CSMD1: variants seen among roughly 807,000 people sequenced by gnomAD.
CSMD1 encodes CUB and Sushi multiple domains 1.
Under a neutral mutation model 417.5 loss-of-function variants are expected in CSMD1, and 213 were observed. That is an observed-to-expected ratio of 0.51 (90% confidence interval 0.46 to 0.57). CSMD1 has a LOEUF of 0.57. Among genes scored for constraint, CSMD1 ranks in the 20% least tolerant of loss-of-function variants. CSMD1 has a pLI of 0.00. For synonymous variants in CSMD1, 2,862 were observed against 1,736.8 expected (o/e 1.65, Z -16.11); for missense variants, 6,923 against 4,529.7 (o/e 1.53, Z -15.17).
chr8:3,741,213 TA>T (rs58662516), intron 6 of CSMD1, among the ~76,000 whole-genome samples: 16,232 of 64,330 alleles, frequency 0.25, 1,104 homozygotes, highest in Non-Finnish European at 0.29. Flanking sequence ...GACTCCGTCT[TA>T]AAAAAAAAAA....
At chr8:3,168,902 T>A (rs1462281621) in intron 37 of CSMD1, among the ~76,000 whole-genome samples, 3 of 149,894 alleles carry the variant, frequency 2.0e-5, no homozygotes, top group Non-Finnish European at 4.4e-5. Flanking sequence ...CAAAATACCT[T>A]TAGGGGAAGT....
intron 1 of CSMD1, among the ~76,000 whole-genome samples, chr8:4,917,420 G>A (rs1458421148): frequency 2.0e-5 from 3 of 152,110 alleles, no homozygotes; most frequent in Non-Finnish European, 4.4e-5. Flanking sequence ...AGACTACAAG[G>A]TCAGGAGATC....
chr8:4,453,494 G>A (rs115331496), intron 2 of CSMD1, among the ~76,000 whole-genome samples: 2,040 of 152,282 alleles, frequency 0.013, 52 homozygotes, highest in African/African-American at 0.047. Context: ...TCAAAGCCAT[G>A]CATCCTTCAG....
chr8:4,943,781 G>C (rs1350218140), intron 1 of CSMD1, among the ~76,000 whole-genome samples: 1 of 152,056 alleles, frequency 6.6e-6, no homozygotes, highest in African/African-American at 2.4e-5. Context: ...CCTGAAAATT[G>C]CATGTTAGAA....
intron 1 of CSMD1, among the ~76,000 whole-genome samples, chr8:4,906,456 GT>G (rs891344057): frequency 2.0e-5 from 3 of 152,142 alleles, no homozygotes; most frequent in African/African-American, 7.2e-5. Flanking sequence ...TGTTCATTAA[GT>G]TTTTTGTAGC....
At chr8:4,223,811 C>G (rs999873935) in intron 3 of CSMD1, among the ~76,000 whole-genome samples, 6 of 152,150 alleles carry the variant, frequency 3.9e-5, no homozygotes, top group Non-Finnish European at 7.3e-5. Flanking sequence ...CAATAACAAC[C>G]AGTGAAACTG....
At chr8:3,293,837 C>T (rs546687633) in intron 25 of CSMD1, among the ~76,000 whole-genome samples, 3 of 152,220 alleles carry the variant, frequency 2.0e-5, no homozygotes, top group Admixed American at 6.5e-5. Flanking sequence ...TTGTCAAAGT[C>T]ATTCTCCATC....
intron 3 of CSMD1, among the ~76,000 whole-genome samples, chr8:4,139,628 G>A (rs1002743212): frequency 6.6e-6 from 1 of 151,186 alleles, no homozygotes; most frequent in East Asian, 1.9e-4. Context: ...AGGGCATTTG[G>A]AATAGTGGGA....
intron 6 of CSMD1, among the ~76,000 whole-genome samples, chr8:3,732,573 G>A (rs979621056): frequency 6.6e-6 from 1 of 152,174 alleles, no homozygotes; most frequent in Non-Finnish European, 1.5e-5. Flanking sequence ...CTGACTTTAT[G>A]CCCAGGCAAC....
chr8:3,294,117 A>C (rs1478615069), intron 25 of CSMD1, among the ~76,000 whole-genome samples: 1 of 152,220 alleles, frequency 6.6e-6, no homozygotes, highest in African/African-American at 2.4e-5. Context: ...CCTGGGTATC[A>C]GCAGCAGAGA....
intron 21 of CSMD1, among the ~76,000 whole-genome samples, chr8:3,350,213 C>A (rs1404360344): frequency 2.5e-5 from 3 of 119,600 alleles, no homozygotes. Context: ...TGTTATAATA[C>A]CTATAATAAC....
At chr8:3,742,344 C>T (rs535368780) in intron 6 of CSMD1, among the ~76,000 whole-genome samples, 1 of 152,274 alleles carries the variant, frequency 6.6e-6, no homozygotes, top group Non-Finnish European at 1.5e-5. Flanking sequence ...CTTACATTAA[C>T]ATTTCAGTGG....
At position 4,332,787 on chromosome 8, in the gene CSMD1, T is replaced by C. The variant is rs138968993; in HGVS notation, c.415+87166A>G. ...ATGTGATGAATGTTCAAATTCAAAATAGTTATGTGTGGAGACAGGAGAAGT... is the reference window on the plus strand; with the variant it reads ...ATGTGATGAATGTTCAAATTCAAAACAGTTATGTGTGGAGACAGGAGAAGT... On this transcript the variant is annotated intron_variant, in intron 3 of 69. Transcript: ENST00000635120. Among the ~76,000 whole-genome samples the C allele has an allele frequency of 6.7e-3, 1,022 of 152,150 alleles. 3 individuals carry two copies. Among genetic ancestry groups the C allele is most frequent in the Middle Eastern group, 0.01 (3 of 294 alleles).
chr8:3,816,739 C>T (rs1240404844), intron 5 of CSMD1, among the ~76,000 whole-genome samples: 3 of 152,036 alleles, frequency 2.0e-5, no homozygotes, highest in Non-Finnish European at 4.4e-5. Flanking sequence ...ATGACCAGAA[C>T]CTTGAAAATA....
chr8:4,684,138 A>G (rs2116728087), intron 1 of CSMD1, among the ~76,000 whole-genome samples: 1 of 152,370 alleles, frequency 6.6e-6, no homozygotes, highest in Middle Eastern at 3.4e-3. Flanking sequence ...GATTTCATAT[A>G]CACACGTCAA....
At position 3,531,516 on chromosome 8, in the gene CSMD1, G is replaced by C. The variant is rs543297665; in HGVS notation, c.1345-37790C>G. 4.6e-5 allele frequency among the ~76,000 whole-genome samples: 7 copies of C among 151,938 alleles called. No individual in the cohort carries two copies. In the South Asian group the frequency reaches 1.5e-3, roughly 32 times the overall value. On this transcript the variant is annotated intron_variant, in intron 10 of 69. Coordinates refer to ENST00000635120, the MANE Select transcript of CSMD1 (RefSeq NM_033225.6). ...TTGAAATGCCCCAGGGTAGCATAAA[G>C]AAGAAGGCAGTGAGAGGGAGGCAGC... is the stretch of plus-strand genomic sequence containing the variant.
intron 5 of CSMD1, among the ~76,000 whole-genome samples, chr8:3,971,367 A>G (rs749787070): frequency 2.6e-5 from 4 of 152,148 alleles, no homozygotes; most frequent in Non-Finnish European, 5.9e-5. Context: ...TGTTCTGAAA[A>G]TATAAATGAC....
chr8:3,990,461 G>T (rs964281587), intron 5 of CSMD1, among the ~76,000 whole-genome samples: 3 of 152,116 alleles, frequency 2.0e-5, no homozygotes, highest in African/African-American at 4.8e-5. Context: ...AGAGACCAGG[G>T]ATGTTTTCTT....
chr8:4,471,651 G>A (rs1306017874), intron 2 of CSMD1, among the ~76,000 whole-genome samples: 1 of 152,000 alleles, frequency 6.6e-6, no homozygotes, highest in Non-Finnish European at 1.5e-5. Context: ...GAAAGAACTG[G>A]GAATGCTCAC....
Sources: allele counts gnomAD v4.1 joint callset (sites outside exome capture counted in the v4.1 genomes callset), GRCh38; gene constraint gnomAD v4.1.1; transcripts MANE v1.5; gene names NCBI Gene and HGNC (gene_info 2026-07-23, HGNC 2026-07-21).